Variants in MIA3 observed in about 807,000 individuals in gnomAD.
MIA3 encodes transport and Golgi organization protein 1 homolog.
MIA3 carries 90 observed loss-of-function variants against 192.4 expected under a neutral mutation model. The observed-to-expected ratio is 0.47, with a 90% CI of 0.39 to 0.56. MIA3 has a LOEUF of 0.56. Among genes scored for constraint, MIA3 ranks in the 20% least tolerant of loss-of-function variants. The pLI is 0.00. For synonymous variants in MIA3, 740 were observed against 792.8 expected (o/e 0.93, Z 1.12); for missense variants, 2,123 against 2,269.4 (o/e 0.94, Z 1.31).
rs777800524 is a variant in MIA3, at chr1:222,652,015, T to C, written c.3948T>C (p.Asp1316=). 14 of 1,579,944 alleles carry C rather than the reference T, an allele frequency of 8.9e-6. No homozygotes were observed. Among genetic ancestry groups the C allele is most frequent in the Non-Finnish European group, 1.2e-5 (14 of 1,149,102 alleles). The change falls in exon 12 of 28, where the codon GAT becomes GAC. Residue 1316 remains aspartate, a synonymous_variant. Coordinates refer to ENST00000344922, the MANE Select transcript of MIA3 (RefSeq NM_198551.4). ...AGAAATCTATAGAGAAGTTAAAGGA[T>C]GTTATTTCAATGAATGCCTCAGAAT... The part of the protein sequence containing the change: ...ENKKSIEKLK[D]VISMNASEFS...
At chr1:222,654,591 C>A in intron 17 of MIA3, 64 bp from the exon 18 acceptor site, 1 of 1,576,938 alleles carries the variant, frequency 6.3e-7, no homozygotes, top group Non-Finnish European at 8.7e-7. Flanking sequence ...TCAGCACCAG[C>A]CCCCAACCAA....
At chr1:222,634,639 G>C (rs911243042) in intron 6 of MIA3, among the ~76,000 whole-genome samples, 1 of 152,050 alleles carries the variant, frequency 6.6e-6, no homozygotes, top group Non-Finnish European at 1.5e-5. Flanking sequence ...TTTTTTTCTT[G>C]GTAAATTAGA....
In MIA3 at chr1:222,630,402, T is replaced by C. The variant is rs765456818; in HGVS notation, c.3169+13T>C. On this transcript the variant is annotated intron_variant, in intron 4 of 27. Transcript: ENST00000344922. ...GGAGCAATGGAAGGTGAGATGCCTATGGCCTTGTAGAACAGGGCTGGAGAA... is the reference window on the plus strand; with the variant it reads ...GGAGCAATGGAAGGTGAGATGCCTACGGCCTTGTAGAACAGGGCTGGAGAA... 3 of 1,582,904 alleles carry C rather than the reference T, an allele frequency of 1.9e-6. No homozygotes were observed. In the South Asian group the frequency reaches 3.5e-5, roughly 18 times the overall value.
At position 222,666,592 on chromosome 1, in the gene MIA3, G is replaced by C. The variant is rs1311580725; in HGVS notation, c.*973G>C. 6.7e-6 allele frequency: 1 copy of C among 148,426 alleles called. No homozygotes were observed. The highest frequency in any genetic ancestry group is 2.5e-5 in the African/African-American group (1 of 40,366). The allele number at this position is 148,426 out of a possible 1,614,324, so 9.2% of individuals were successfully genotyped here. A position where few individuals can be genotyped will look rare whatever the true frequency, so the allele number is the denominator to read the frequency against. On this transcript the variant is annotated 3_prime_UTR_variant, in exon 28 of 28. Coordinates refer to ENST00000344922, the MANE Select transcript of MIA3 (RefSeq NM_198551.4). ...TGATTTTTGAGGAATATAATAAAAA[G>C]ATTGGAAGAGTATAATGCCATGAGA...
intron 2 of MIA3, among the ~76,000 whole-genome samples, chr1:222,622,065 A>G (rs1661896670): frequency 6.6e-6 from 1 of 151,922 alleles, no homozygotes; most frequent in Admixed American, 6.6e-5. Flanking sequence ...TGACCTCCCA[A>G]AGTGCTGGGA....
chr1:222,665,431 G>A lies in MIA3; in HGVS notation c.5536G>A (p.Gly1846Ser), dbSNP rs1664233881. The A allele has an allele frequency of 3.1e-6, 5 of 1,613,806 alleles. No homozygotes were observed. The highest frequency in any genetic ancestry group is 3.4e-6 in the Non-Finnish European group (4 of 1,179,966). Reference protein sequence around the residue: ...LPGHAPFRPLGSLGPREYFIP... With the variant: ...LPGHAPFRPLSSLGPREYFIP... ...TGGACACGCACCATTTAGACCTTTA[G>A]GTTCACTTGGCCCAAGAGAGTACTT... is the stretch of plus-strand genomic sequence containing the variant. Residue 1846 changes from glycine to serine, a missense_variant, in exon 28 of 28, where the codon GGT (glycine) becomes AGT (serine). By Grantham distance (56) the Gly-to-Ser change is moderately conservative (BLOSUM62 0). Transcript: ENST00000344922.
At chr1:222,661,398 C>T (rs1664004220) in intron 24 of MIA3, 1 of 152,464 alleles carries the variant, frequency 6.6e-6, no homozygotes, top group Non-Finnish European at 1.5e-5. Context: ...TTTCCTCTTC[C>T]TTATGATTTC....
Position 222,660,226 on chromosome 1 carries a change from A to C in MIA3, c.5025A>C (p.Gly1675=), listed in dbSNP as rs749604377. Residue 1675 remains glycine (G), a synonymous_variant, in exon 24 of 28, where the codon GGA becomes GGC. Coordinates refer to ENST00000344922, the MANE Select transcript of MIA3 (RefSeq NM_198551.4). ...GSFGPSPVSG[G]ECSPPLTVEP... is the part of the protein sequence containing the mutation. Reference sequence around the variant, plus strand: ...TTGGCCCATCCCCTGTGAGTGGTGGAGAATGCTCCCCTCCATTGACAGTGG... The same window carrying C: ...TTGGCCCATCCCCTGTGAGTGGTGGCGAATGCTCCCCTCCATTGACAGTGG... 7.4e-6 allele frequency: 12 copies of C among 1,613,830 alleles called. No individual in the cohort carries two copies. The highest frequency in any genetic ancestry group is 1.0e-5 in the Non-Finnish European group (12 of 1,179,848).
Position 222,666,464 on chromosome 1 carries a change from C to A in MIA3, c.*845C>A, listed in dbSNP as rs954322948. The A allele has an allele frequency of 1.3e-5, 2 of 151,914 alleles. No homozygotes were observed. The highest frequency in any genetic ancestry group is 3.9e-4 in the East Asian group (2 of 5,176). 9.4% of individuals were successfully genotyped at this position (151,914 alleles called of 1,614,324 possible). A position where few individuals can be genotyped will look rare whatever the true frequency, so the allele number is the denominator to read the frequency against. ...ACCATTCCTGTAGAAAAAGGGTGCA[C>A]AACAGAAAAATGAAAATGATGTGTC... On this transcript the variant is annotated 3_prime_UTR_variant, in exon 28 of 28. Transcript: ENST00000344922.
intron 26 of MIA3, among the ~76,000 whole-genome samples, chr1:222,663,311 C>T (rs777210755): frequency 1.1e-4 from 16 of 152,080 alleles, no homozygotes; most frequent in African/African-American, 3.4e-4. Flanking sequence ...GGATAAGACC[C>T]GAGACCCCTT....
intron 11 of MIA3, 56 bp downstream of exon 11, chr1:222,650,959 G>A: frequency 2.0e-6 from 2 of 1,019,480 alleles, no homozygotes; most frequent in Non-Finnish European, 3.0e-6. Context: ...CTCTTTTGTA[G>A]ATTGAGTTGA....
chr1:222,655,956 T>C (rs1178390478), intron 18 of MIA3, among the ~76,000 whole-genome samples: 2 of 141,316 alleles, frequency 1.4e-5, no homozygotes, highest in Admixed American at 1.5e-4. Context: ...CTCCAGACTT[T>C]CTTTCCCTTT....
rs1664338037 is a variant in MIA3 at position 222,667,411 on chromosome 1, AT to A, written c.*1795del. ...ACAAAACAATGCTGAAGTTAATATA[AT>A]TTCTAATTTTAAATGTCATTTAAGT... is the stretch of plus-strand genomic sequence containing the variant. On this transcript the variant is annotated 3_prime_UTR_variant, in exon 28 of 28. Transcript: ENST00000344922. 1 of 152,220 alleles carries A rather than the reference AT, an allele frequency of 6.6e-6. No homozygotes were observed. Among genetic ancestry groups the A allele is most frequent in the Non-Finnish European group, 1.5e-5 (1 of 68,032 alleles). The allele number at this position is 152,220 out of a possible 1,614,324, so 9.4% of individuals were successfully genotyped here. A position where few individuals can be genotyped will look rare whatever the true frequency, so the allele number is the denominator to read the frequency against.
intron 15 of MIA3, among the ~76,000 whole-genome samples, chr1:222,653,887 G>A (rs990787803): frequency 2.6e-5 from 4 of 152,152 alleles, no homozygotes; most frequent in Non-Finnish European, 4.4e-5. Context: ...CTCTCAAGTT[G>A]GATATTGCTT....
In MIA3 at chr1:222,623,399, T is replaced by C. The variant is rs149716067; in HGVS notation, c.268-1369T>C. On this transcript the variant is annotated intron_variant, in intron 2 of 27. Transcript: ENST00000344922. Reference sequence around the variant, plus strand: ...TCCCTATATACCTCTACCTCTGATTTGTTTCCTTTTTCCAGGTTCTCCCTT... The same window carrying C: ...TCCCTATATACCTCTACCTCTGATTCGTTTCCTTTTTCCAGGTTCTCCCTT... 9.1e-4 allele frequency among the ~76,000 whole-genome samples: 139 copies of C among 152,288 alleles called. 1 individual carries two copies. The highest frequency in any genetic ancestry group is 2.9e-3 in the African/African-American group (120 of 41,570).
At position 222,665,406 on chromosome 1, in the gene MIA3, T is replaced by C. The variant is rs1294191833; in HGVS notation, c.5511T>C (p.Pro1837=). Residue 1837 remains proline (P), a synonymous_variant, in exon 28 of 28, where the codon CCT becomes CCC. Coordinates refer to ENST00000344922, the MANE Select transcript of MIA3 (RefSeq NM_198551.4). The stretch of plus-strand genomic sequence containing the variant: ...CTCTCCACCCTCGGGGATTTTTACC[T>C]GGACACGCACCATTTAGACCTTTAG... The part of the protein sequence containing the change: ...DLPLHPRGFL[P]GHAPFRPLGS... The C allele has an allele frequency of 6.2e-7, 1 of 1,614,048 alleles. No homozygotes were observed. The highest frequency in any genetic ancestry group is 2.2e-5 in the East Asian group (1 of 44,874).
In MIA3 at chr1:222,645,660, T is replaced by C. The variant is rs1040634727; in HGVS notation, c.3584T>C (p.Ile1195Thr). 3.1e-6 allele frequency: 5 copies of C among 1,613,760 alleles called. No individual in the cohort carries two copies. In the African/African-American group the frequency reaches 6.7e-5, roughly 22 times the overall value. The change falls in exon 7 of 28, where the codon ATT (isoleucine) becomes ACT (threonine). Residue 1195 changes from isoleucine (I) to threonine (T), a missense_variant. Coordinates refer to ENST00000344922, the MANE Select transcript of MIA3 (RefSeq NM_198551.4). ...TTCTTGGGAATTGCTTCGTTTGCCA[T>C]TTTCTTATGGAGAACTGTCCTTGTT... ...TAFLGIASFA[I>T]FLWRTVLVVK...
chr1:222,659,256 C>T, intron 19 of MIA3, 197 bp from the exon 20 acceptor site: 1 of 568,828 alleles, frequency 1.8e-6, no homozygotes. Context: ...ACTCAATCTC[C>T]AGCTGTTAAA....
chr1:222,636,483 C>T (rs1662628835), intron 6 of MIA3, among the ~76,000 whole-genome samples: 1 of 146,592 alleles, frequency 6.8e-6, no homozygotes, highest in Non-Finnish European at 1.5e-5. Flanking sequence ...ATTTCTGGAA[C>T]TCTACTTGTT....
Sources: allele counts gnomAD v4.1 joint callset (sites outside exome capture counted in the v4.1 genomes callset), GRCh38; gene constraint gnomAD v4.1.1; transcripts MANE v1.5; gene names NCBI Gene and HGNC (gene_info 2026-07-23, HGNC 2026-07-21).